Variants in BMP7 observed in about 807,000 individuals in gnomAD.
BMP7 encodes osteogenic protein 1.
BMP7 carries 12 observed loss-of-function variants against 41.2 expected under a neutral mutation model. That is an observed-to-expected ratio of 0.29 (90% CI 0.19 to 0.47). The LOEUF is 0.47. Among genes scored for constraint, BMP7 ranks in the 20% least tolerant of loss-of-function variants. The probability of loss-of-function intolerance (pLI) is 0.99; values close to 1 mark genes in which losing one functional copy is unlikely to be tolerated. For missense variants in BMP7, 467 were observed against 606.0 expected (o/e 0.77, Z 2.41); for synonymous variants, 248 against 250.0 (o/e 0.99, Z 0.07).
intron 1 of BMP7, among the ~76,000 whole-genome samples, chr20:57,252,290 A>C (rs2123143671): frequency 6.6e-6 from 1 of 152,340 alleles, no homozygotes; most frequent in East Asian, 1.9e-4. Context: ...GGCTGTACTA[A>C]AACAGGTTGT....
intron 4 of BMP7, among the ~76,000 whole-genome samples, chr20:57,180,797 G>A (rs1293953919): frequency 2.0e-5 from 3 of 152,124 alleles, no homozygotes; most frequent in Non-Finnish European, 4.4e-5. Flanking sequence ...ACCCACTGAG[G>A]TCCATCCGGG....
intron 3 of BMP7, among the ~76,000 whole-genome samples, chr20:57,194,987 G>A (rs1245525988): frequency 3.9e-5 from 6 of 152,356 alleles, no homozygotes; most frequent in Middle Eastern, 3.4e-3. Flanking sequence ...AGGTAGGAGG[G>A]ATTCACTGAG....
intron 3 of BMP7, among the ~76,000 whole-genome samples, chr20:57,196,995 G>A (rs230190): frequency 0.54 from 82,431 of 151,434 alleles, 22,795 homozygotes; most frequent in South Asian, 0.61. Flanking sequence ...TCCACCTCCC[G>A]GGTTCAAGTG....
In BMP7 at chr20:57,168,891, A is replaced by T. The variant is rs1983745914; in HGVS notation, c.*2068T>A. On this transcript the variant is annotated 3_prime_UTR_variant, in exon 7 of 7. Coordinates refer to ENST00000395863, the MANE Select transcript of BMP7 (RefSeq NM_001719.3). ...AACCATTAATAAATAGTCTTAAATA[A>T]GAAAACAAACAGGTTGAAGGAAAGC... The T allele has an allele frequency of 6.6e-6, 1 of 151,624 alleles. No individual in the cohort carries two copies. Among genetic ancestry groups the T allele is most frequent in the Non-Finnish European group, 1.5e-5 (1 of 67,968 alleles). 9.4% of individuals were successfully genotyped at this position (151,624 alleles called of 1,614,324 possible).
At position 57,219,274 on chromosome 20, in the gene BMP7, T is replaced by C. The variant is rs1600629968; in HGVS notation, c.611+8955A>G. On this transcript the variant is annotated intron_variant, in intron 2 of 6. Transcript: ENST00000395863. ...GTAGCTGGTGTTTGCTGGTAGGTGG[T>C]GTTTGGTGGTAGGTAGCAGTGAGCA... is the stretch of plus-strand genomic sequence containing the variant. Among the ~76,000 whole-genome samples, 20 of 149,416 alleles carry C rather than the reference T, an allele frequency of 1.3e-4. 4 individuals carry two copies. Among genetic ancestry groups the C allele is most frequent in the African/African-American group, 5.1e-4 (20 of 38,914 alleles).
intron 3 of BMP7, among the ~76,000 whole-genome samples, chr20:57,198,092 C>G (rs148072034): frequency 7.1e-6 from 1 of 140,780 alleles, no homozygotes; most frequent in African/African-American, 2.5e-5. Context: ...GCTCTCCTCT[C>G]CCCCTTCTCT....
At chr20:57,200,901 G>A (rs192614573) in intron 3 of BMP7, among the ~76,000 whole-genome samples, 1 of 152,236 alleles carries the variant, frequency 6.6e-6, no homozygotes, top group Admixed American at 6.5e-5. Context: ...AGCCCTGTTT[G>A]TGAGACCAAA....
At chr20:57,212,302 C>T (rs1259503907) in intron 2 of BMP7, among the ~76,000 whole-genome samples, 1 of 152,172 alleles carries the variant, frequency 6.6e-6, no homozygotes, top group East Asian at 1.9e-4. Context: ...GAACCGAATG[C>T]GGAAGTCATG....
chr20:57,245,076 C>G (rs866856410), intron 1 of BMP7, among the ~76,000 whole-genome samples: 2 of 152,150 alleles, frequency 1.3e-5, no homozygotes, highest in Admixed American at 6.5e-5. Flanking sequence ...CACTCTGTCC[C>G]TGGACCACAG....
At chr20:57,217,139 T>G (rs1985050714) in intron 2 of BMP7, among the ~76,000 whole-genome samples, 2 of 152,070 alleles carry the variant, frequency 1.3e-5, no homozygotes, top group Non-Finnish European at 2.9e-5. Flanking sequence ...GGCTCCTGGT[T>G]CCAGCTCTCA....
chr20:57,253,236 G>A (rs1040900964), intron 1 of BMP7, among the ~76,000 whole-genome samples: 1 of 152,176 alleles, frequency 6.6e-6, no homozygotes, highest in Admixed American at 6.5e-5. Flanking sequence ...TTACTAGCCT[G>A]GAAGGTTCTG....
intron 1 of BMP7, among the ~76,000 whole-genome samples, chr20:57,236,980 G>A (rs2066050280): frequency 6.6e-6 from 1 of 152,160 alleles, no homozygotes; most frequent in African/African-American, 2.4e-5. Flanking sequence ...AAAAAATTTG[G>A]TTAACCTTCC....
At chr20:57,235,818 C>G (rs1357412966) in intron 1 of BMP7, among the ~76,000 whole-genome samples, 4 of 152,216 alleles carry the variant, frequency 2.6e-5, no homozygotes, top group Non-Finnish European at 5.9e-5. Context: ...TGTCATCAAC[C>G]ATGATGGCTT....
At position 57,174,633 on chromosome 20, in the gene BMP7, G is replaced by C. The variant is rs867505515; in HGVS notation, c.1035+298C>G. ...TATCTACATTCAAACACACGGCCCG[G>C]CATCATCTTGAGAAGCAGCCAGCCA... On this transcript the variant is annotated intron_variant, in intron 5 of 6. Transcript: ENST00000395863. This position sits in a 1 kb window ranked among gnomAD's most constrained non-coding sequence, Gnocchi z 4.3. 2.6e-5 allele frequency among the ~76,000 whole-genome samples: 4 copies of C among 152,204 alleles called. No homozygotes were observed. Among genetic ancestry groups the C allele is most frequent in the Non-Finnish European group, 5.9e-5 (4 of 68,034 alleles).
intron 2 of BMP7, among the ~76,000 whole-genome samples, chr20:57,209,940 G>A (rs1316458988): frequency 6.6e-6 from 1 of 152,160 alleles, no homozygotes; most frequent in Non-Finnish European, 1.5e-5. Context: ...AGGTGAGGGG[G>A]CAAGCCTGGC....
At chr20:57,216,974 C>T (rs1985047250) in intron 2 of BMP7, among the ~76,000 whole-genome samples, 1 of 152,124 alleles carries the variant, frequency 6.6e-6, no homozygotes, top group Non-Finnish European at 1.5e-5. Flanking sequence ...TGGAGGATCC[C>T]TCTTATGTCC....
intron 2 of BMP7, among the ~76,000 whole-genome samples, chr20:57,223,362 CA>C (rs1407116441): frequency 1.3e-5 from 2 of 152,304 alleles, no homozygotes; most frequent in African/African-American, 4.8e-5. Flanking sequence ...GCTTTTAAAG[CA>C]CACCAATGAC....
chr20:57,266,281 C>A lies in BMP7; in HGVS notation c.-159G>T. On this transcript the variant is annotated 5_prime_UTR_variant, in exon 1 of 7. Transcript: ENST00000395863. The stretch of plus-strand genomic sequence containing the variant: ...TGGCCCCTCCCCGGCCGGCCGCGCT[C>A]TGCCCGGACCCCCGCCCCCTGCTCG... 1.7e-6 allele frequency: 1 copy of A among 602,536 alleles called. No homozygotes were observed. The highest frequency in any genetic ancestry group is 2.4e-6 in the Non-Finnish European group (1 of 417,424). The allele number at this position is 602,536 out of a possible 1,614,324, so 37.3% of individuals were successfully genotyped here. A position where few individuals can be genotyped will look rare whatever the true frequency, so the allele number is the denominator to read the frequency against.
At position 57,213,684 on chromosome 20, in the gene BMP7, G is replaced by A. The variant is rs991877684; in HGVS notation, c.612-11061C>T. ...GAGACAATCAGGGGGTGAGAGGCCC[G>A]GAATCCTCTTTGTGATGAAATCCCC... is the stretch of plus-strand genomic sequence containing the variant. On this transcript the variant is annotated intron_variant, in intron 2 of 6. Transcript: ENST00000395863. This position sits in a 1 kb window ranked among gnomAD's most constrained non-coding sequence, Gnocchi z 4.4. Among the ~76,000 whole-genome samples the A allele has an allele frequency of 2.0e-5, 3 of 152,176 alleles. No homozygotes were observed. The highest frequency in any genetic ancestry group is 4.4e-5 in the Non-Finnish European group (3 of 68,026).
Sources: allele counts gnomAD v4.1 joint callset (sites outside exome capture counted in the v4.1 genomes callset), GRCh38; gene constraint gnomAD v4.1.1; non-coding constraint Gnocchi (gnomAD v3.1); transcripts MANE v1.5; gene names NCBI Gene and HGNC (gene_info 2026-07-23, HGNC 2026-07-21).